The following TBC1D8 variants were observed in gnomAD, a reference collection of about 807,000 sequenced individuals.
TBC1D8 encodes BUB2-like protein 1.
Under a neutral mutation model 118.8 loss-of-function variants are expected in TBC1D8, and 65 were observed. That is an observed-to-expected ratio of 0.55 (90% CI 0.45 to 0.67). TBC1D8 has a LOEUF of 0.67. Among genes scored for constraint, TBC1D8 ranks in the 30% least tolerant of loss-of-function variants. TBC1D8 has a pLI of 0.00. For synonymous variants in TBC1D8, 566 were observed against 595.8 expected, an observed-to-expected ratio of 0.95 and a Z score of 0.73; for missense variants, 1,376 against 1,471.2, an observed-to-expected ratio of 0.94 and a Z score of 1.06.
At chr2:101,050,377 A>G (rs1681987408) in intron 5 of TBC1D8, 24 bp downstream of exon 5, 1 of 1,601,992 alleles carries the variant, frequency 6.2e-7, no homozygotes, top group Non-Finnish European at 8.5e-7. Flanking sequence ...CGGGTGGGAG[A>G]CACTCTAGAA....
At chr2:101,088,671 G>A (rs941200644) in intron 2 of TBC1D8, among the ~76,000 whole-genome samples, 5 of 151,950 alleles carry the variant, frequency 3.3e-5, no homozygotes, top group Non-Finnish European at 4.4e-5. Context: ...CCTCGAACTC[G>A]GGTTCAAGTG....
At chr2:101,149,905 T>G (rs1198925434) in intron 1 of TBC1D8, among the ~76,000 whole-genome samples, 1 of 152,200 alleles carries the variant, frequency 6.6e-6, no homozygotes, top group Admixed American at 6.5e-5. Context: ...ACAGGACCAC[T>G]GGTTACCAAA....
chr2:101,055,731 T>C (rs1439028828), intron 3 of TBC1D8, among the ~76,000 whole-genome samples: 2 of 152,196 alleles, frequency 1.3e-5, no homozygotes, highest in South Asian at 4.1e-4. Flanking sequence ...CCCTGGGAGC[T>C]CACCACAAAA....
chr2:101,036,910 T>A (rs559886883), intron 8 of TBC1D8, among the ~76,000 whole-genome samples: 1 of 152,242 alleles, frequency 6.6e-6, no homozygotes, highest in East Asian at 1.9e-4. Flanking sequence ...TTTGGATAAA[T>A]AAAACCAACA....
chr2:101,139,444 G>A (rs891569014), intron 1 of TBC1D8, among the ~76,000 whole-genome samples: 1 of 152,024 alleles, frequency 6.6e-6, no homozygotes, highest in Non-Finnish European at 1.5e-5. Context: ...CTGCATCCAA[G>A]CTGCTGTGGC....
In TBC1D8 at chr2:101,028,326, C is replaced by G. The variant is rs749610521; in HGVS notation, c.2329G>C (p.Asp777His). 6 of 1,612,656 alleles carry G rather than the reference C, an allele frequency of 3.7e-6. No homozygotes were observed. In the South Asian group the frequency reaches 5.5e-5, roughly 15 times the overall value. Reference protein sequence around the residue: ...QEPYPVTDISDLIRDSYEKFG... With the variant: ...QEPYPVTDISHLIRDSYEKFG... ...ACCTCATAGGAATCCCGGATCAGGTCCGAAATATCAGTCACAGGGTAGGGC... is the reference window on the plus strand; with the variant it reads ...ACCTCATAGGAATCCCGGATCAGGTGCGAAATATCAGTCACAGGGTAGGGC... The change falls in exon 13 of 20, where the codon GAC becomes CAC. Residue 777 changes from aspartate (D) to histidine (H), a missense_variant. Asp to His is a moderately conservative substitution (Grantham distance 81). Transcript: ENST00000409318.
intron 17 of TBC1D8, 44 bp downstream of exon 17, chr2:101,021,637 T>C: frequency 7.6e-7 from 1 of 1,315,724 alleles, no homozygotes; most frequent in East Asian, 2.3e-5. Flanking sequence ...TGATACTGTG[T>C]TGAAGCAGAG....
At chr2:101,026,664 C>T (rs764121309) in intron 15 of TBC1D8, among the ~76,000 whole-genome samples, 4 of 152,188 alleles carry the variant, frequency 2.6e-5, no homozygotes, top group African/African-American at 7.2e-5. Context: ...TCTGCAACTG[C>T]GCTTCCTCCC....
intron 2 of TBC1D8, among the ~76,000 whole-genome samples, chr2:101,060,233 T>A (rs1247691751): frequency 6.6e-6 from 1 of 152,160 alleles, no homozygotes; most frequent in Non-Finnish European, 1.5e-5. Context: ...AGCAGACCAA[T>A]CCTAAGCAGC....
intron 13 of TBC1D8, 63 bp downstream of exon 13, chr2:101,028,240 C>A: frequency 6.3e-7 from 1 of 1,591,556 alleles, no homozygotes; most frequent in East Asian, 2.3e-5. Flanking sequence ...ACATCCATCC[C>A]CCAGTCACAA....
At chr2:101,073,574 C>T (rs1385559472) in intron 2 of TBC1D8, among the ~76,000 whole-genome samples, 4 of 152,134 alleles carry the variant, frequency 2.6e-5, no homozygotes, top group Non-Finnish European at 4.4e-5. Context: ...GATTTACAGG[C>T]GTGAGCCACC....
chr2:101,125,181 G>A (rs1678299172), intron 1 of TBC1D8, among the ~76,000 whole-genome samples: 1 of 149,576 alleles, frequency 6.7e-6, no homozygotes, highest in Admixed American at 6.6e-5. Context: ...TGGCAAAGCA[G>A]CACCTACAGA....
At chr2:101,035,105 A>G (rs1306018889) in intron 9 of TBC1D8, among the ~76,000 whole-genome samples, 1 of 152,184 alleles carries the variant, frequency 6.6e-6, no homozygotes, top group Non-Finnish European at 1.5e-5. Flanking sequence ...AAGTAGGACA[A>G]GAGATGCTTC....
chr2:101,097,451 T>C (rs72822915), intron 1 of TBC1D8, among the ~76,000 whole-genome samples: 47,113 of 151,842 alleles, frequency 0.31, 7,421 homozygotes, highest in East Asian at 0.38. Flanking sequence ...TCGTCTAAAG[T>C]AGTAATAGTA....
intron 1 of TBC1D8, among the ~76,000 whole-genome samples, chr2:101,103,881 T>TAG (rs776738160): frequency 6.6e-5 from 10 of 151,758 alleles, no homozygotes; most frequent in South Asian, 4.2e-4. Context: ...GATATATATA[T>TAG]AGAGAGAGAG....
intron 1 of TBC1D8, among the ~76,000 whole-genome samples, chr2:101,103,947 T>C (rs1235903931): frequency 2.0e-5 from 3 of 152,104 alleles, no homozygotes; most frequent in East Asian, 1.9e-4. Flanking sequence ...TGTAGAAATA[T>C]CTCAGAGAAT....
Position 101,119,035 on chromosome 2 carries a change from G to A in TBC1D8, c.128-28671C>T, listed in dbSNP as rs561543419. ...TGCCCCCCCAAAAAAAAGACTCCAC[G>A]AAAGACTCTCAGATTTGATAAATGA... On this transcript the variant is annotated intron_variant, in intron 1 of 19. Coordinates refer to ENST00000409318, the MANE Select transcript of TBC1D8 (RefSeq NM_001330348.2). 3.3e-5 allele frequency among the ~76,000 whole-genome samples: 5 copies of A among 152,190 alleles called. No homozygotes were observed. The Middle Eastern group carries it at 0.01, about 311-fold the overall frequency.
intron 3 of TBC1D8, among the ~76,000 whole-genome samples, chr2:101,058,576 A>C (rs1225842340): frequency 2.0e-5 from 3 of 152,198 alleles, no homozygotes; most frequent in Admixed American, 6.5e-5. Flanking sequence ...CAGTTATATA[A>C]GACTGTAACT....
chr2:101,125,236 A>G (rs1243812517), intron 1 of TBC1D8, among the ~76,000 whole-genome samples: 1 of 152,156 alleles, frequency 6.6e-6, no homozygotes, highest in Admixed American at 6.5e-5. Flanking sequence ...TGACAACACA[A>G]TCCCACATTC....
Sources: allele counts gnomAD v4.1 joint callset (sites outside exome capture counted in the v4.1 genomes callset), GRCh38; gene constraint gnomAD v4.1.1; transcripts MANE v1.5; gene names NCBI Gene and HGNC (gene_info 2026-07-23, HGNC 2026-07-21).